MMP16: variants seen among roughly 807,000 people sequenced by gnomAD.
MMP16 encodes the protein matrix metallopeptidase 16, also known as matrix metalloproteinase-16.
A neutral mutation model predicts 67.8 loss-of-function variants in MMP16; 12 were observed. The observed-to-expected ratio is 0.18, with a 90% CI of 0.11 to 0.29. MMP16 has a LOEUF of 0.29. Among genes scored for constraint, MMP16 ranks in the 10% least tolerant of loss-of-function variants. The probability of loss-of-function intolerance (pLI) is 1.00; values close to 1 mark genes in which losing one functional copy is unlikely to be tolerated. For missense variants in MMP16, 475 were observed against 765.7 expected (o/e 0.62, Z 4.48); for synonymous variants, 249 against 255.9 (o/e 0.97, Z 0.26).
At chr8:88,172,348 A>G (rs142654061) in intron 3 of MMP16, among the ~76,000 whole-genome samples, 2 of 152,274 alleles carry the variant, frequency 1.3e-5, no homozygotes, top group African/African-American at 4.8e-5. Context: ...ATAAATAAAT[A>G]CAAGATATAC....
At chr8:88,278,781 G>T (rs1344679942) in intron 1 of MMP16, among the ~76,000 whole-genome samples, 1 of 152,172 alleles carries the variant, frequency 6.6e-6, no homozygotes, top group Non-Finnish European at 1.5e-5. Flanking sequence ...AAACTGAAAA[G>T]ATTTTATAAT....
chr8:88,069,843 C>G (rs529126521), intron 7 of MMP16, among the ~76,000 whole-genome samples: 1 of 152,122 alleles, frequency 6.6e-6, no homozygotes, highest in South Asian at 2.1e-4. Context: ...CTTTTATTAG[C>G]TTACAAATAA....
intron 1 of MMP16, among the ~76,000 whole-genome samples, chr8:88,313,140 A>G (rs1811322694): frequency 1.3e-5 from 2 of 152,160 alleles, no homozygotes; most frequent in Non-Finnish European, 2.9e-5. Context: ...TTTATTGCTA[A>G]GTAGTATTCC....
chr8:88,064,544 A>G (rs1274094466), intron 7 of MMP16, among the ~76,000 whole-genome samples: 1 of 152,030 alleles, frequency 6.6e-6, no homozygotes, highest in Non-Finnish European at 1.5e-5. Flanking sequence ...TGCTAACTTA[A>G]TGCTCGCTTG....
At chr8:88,118,506 A>T (rs753385270) in intron 5 of MMP16, among the ~76,000 whole-genome samples, 194 bp downstream of exon 5, 4 of 152,054 alleles carry the variant, frequency 2.6e-5, no homozygotes. Context: ...TGTTCCCATA[A>T]TCTATACATT....
intron 1 of MMP16, among the ~76,000 whole-genome samples, chr8:88,257,681 G>T (rs369280698): frequency 6.6e-6 from 1 of 152,166 alleles, no homozygotes; most frequent in African/African-American, 2.4e-5. Flanking sequence ...TATAAGCATG[G>T]AGTATAAACA....
rs1054751399 is a variant in MMP16, at chr8:88,119,533, G to A, written c.710-672C>T. The stretch of plus-strand genomic sequence containing the variant: ...TCTGAACAAAATACATTTATCTTAA[G>A]AGCTGCTGTTTATCACTGAAAATTT... On this transcript the variant is annotated intron_variant, in intron 4 of 9. Coordinates refer to ENST00000286614, the MANE Select transcript of MMP16 (RefSeq NM_005941.5). Among the ~76,000 whole-genome samples the A allele has an allele frequency of 5.3e-5, 8 of 152,094 alleles. No individual in the cohort carries two copies. In the South Asian group the frequency reaches 1.7e-3, roughly 32 times the overall value.
intron 1 of MMP16, among the ~76,000 whole-genome samples, chr8:88,204,477 GAGTC>G (rs28905470): frequency 0.025 from 3,871 of 152,042 alleles, 153 homozygotes; most frequent in African/African-American, 0.088. Context: ...GAATAAGGAA[GAGTC>G]AGTCAAAGAA....
At chr8:88,160,690 A>G (rs1285790415) in intron 4 of MMP16, among the ~76,000 whole-genome samples, 10 of 151,944 alleles carry the variant, frequency 6.6e-5, no homozygotes, top group South Asian at 4.2e-4. Flanking sequence ...TGGTGGGACT[A>G]TAAACTAGTT....
chr8:88,288,352 T>G (rs953713308), intron 1 of MMP16, among the ~76,000 whole-genome samples: 16 of 152,078 alleles, frequency 1.1e-4, no homozygotes, highest in Middle Eastern at 3.2e-3. Context: ...TTTTTTTTCT[T>G]TTTTCTTTTT....
rs398008661 is a variant in MMP16 at position 88,265,223 on chromosome 8, CT to C, written c.132+61851del. ...AACTAAGGGTAGAAATGACCATTTC[CT>C]TTTTTTTTTTTTTTTTTTTCAGATA... On this transcript the variant is annotated intron_variant, in intron 1 of 9. Transcript: ENST00000286614. Among the ~76,000 whole-genome samples the C allele has an allele frequency of 5.7e-3, 579 of 100,740 alleles. 6 individuals are homozygous for C. The highest frequency in any genetic ancestry group is 0.022 in the African/African-American group (545 of 24,882). The allele number at this position is 100,740 out of a possible 152,430, so 66.1% of individuals were successfully genotyped here. A position where few individuals can be genotyped will look rare whatever the true frequency, so the allele number is the denominator to read the frequency against.
At chr8:88,166,462 C>T (rs895156526) in intron 4 of MMP16, among the ~76,000 whole-genome samples, 4 of 151,616 alleles carry the variant, frequency 2.6e-5, no homozygotes, top group Non-Finnish European at 5.9e-5. Flanking sequence ...TAACCACTCT[C>T]ATATTAAGTA....
intron 1 of MMP16, among the ~76,000 whole-genome samples, chr8:88,216,023 C>T (rs2129831507): frequency 6.6e-6 from 1 of 152,234 alleles, no homozygotes; most frequent in Non-Finnish European, 1.5e-5. Context: ...AGCTGAAAGT[C>T]ATTTTCATAG....
intron 3 of MMP16, 55 bp from the exon 4 acceptor site, chr8:88,168,028 C>T: frequency 7.2e-7 from 1 of 1,384,330 alleles, no homozygotes; most frequent in Non-Finnish European, 9.9e-7. Flanking sequence ...TAACTTAGTA[C>T]AGGTTTTGAT....
intron 4 of MMP16, among the ~76,000 whole-genome samples, chr8:88,140,605 T>G (rs1326162780): frequency 2.0e-5 from 3 of 152,174 alleles, no homozygotes; most frequent in Non-Finnish European, 4.4e-5. Flanking sequence ...TGGTTCCTGC[T>G]GTTGCTATGA....
At chr8:88,276,451 C>T (rs761324548) in intron 1 of MMP16, among the ~76,000 whole-genome samples, 1 of 152,088 alleles carries the variant, frequency 6.6e-6, no homozygotes, top group Non-Finnish European at 1.5e-5. Flanking sequence ...TCTCTGCTTC[C>T]TGCACTCAAA....
chr8:88,248,475 TAAGAGATGTA>T (rs900759790), intron 1 of MMP16, among the ~76,000 whole-genome samples: 1 of 152,012 alleles, frequency 6.6e-6, no homozygotes, highest in Non-Finnish European at 1.5e-5. Context: ...AAAAAAAGTT[TAAGAGATGTA>T]GAGGACACAG....
intron 4 of MMP16, among the ~76,000 whole-genome samples, chr8:88,131,350 A>T (rs955144887): frequency 1.3e-5 from 2 of 151,672 alleles, no homozygotes; most frequent in African/African-American, 4.8e-5. Flanking sequence ...ATGTAATCTT[A>T]TGACACAAAT....
In MMP16 at chr8:88,085,818, T is replaced by A. The variant is rs183355910; in HGVS notation, c.1084-11075A>T. Among the ~76,000 whole-genome samples the A allele has an allele frequency of 2.6e-5, 4 of 152,182 alleles. No homozygotes were observed. The East Asian group carries it at 7.7e-4, about 29-fold the overall frequency. On this transcript the variant is annotated intron_variant, in intron 6 of 9. Coordinates refer to ENST00000286614, the MANE Select transcript of MMP16 (RefSeq NM_005941.5). ...CTTGTGCTAAGTTTATGTGTTAACA[T>A]TTATAGTCTAAAAATGTTAAATATT...
Sources: gnomAD v4.1 joint callset for allele counts (sites outside exome capture counted in the v4.1 genomes callset) on GRCh38, gnomAD v4.1.1 for gene constraint, MANE v1.5 for transcripts, NCBI Gene and HGNC (gene_info 2026-07-23, HGNC 2026-07-21) for gene names.